The following PLCB1 variants were observed in gnomAD, a reference collection of about 807,000 sequenced individuals.
The protein encoded by PLCB1 is phospholipase C beta 1, also known as 1-phosphatidylinositol 4,5-bisphosphate phosphodiesterase beta-1.
Under a neutral mutation model 161.8 loss-of-function variants are expected in PLCB1, and 46 were observed. The ratio of observed to expected loss-of-function variants is 0.28; its 90% confidence interval spans 0.22 to 0.36. PLCB1 has a LOEUF of 0.36. Among genes scored for constraint, PLCB1 ranks in the 10% least tolerant of loss-of-function variants. The pLI is 1.00. For missense variants in PLCB1, 1,016 were observed against 1,472.5 expected, an observed-to-expected ratio of 0.69 and a Z score of 5.07; for synonymous variants, 517 against 503.7, an observed-to-expected ratio of 1.03 and a Z score of -0.35.
At chr20:8,644,469 C>T (rs1260629777) in intron 4 of PLCB1, among the ~76,000 whole-genome samples, 7 of 146,964 alleles carry the variant, frequency 4.8e-5, no homozygotes, top group African/African-American at 5.1e-5. Flanking sequence ...ATGTGAGGAG[C>T]GCCTCTGCCC....
intron 9 of PLCB1, among the ~76,000 whole-genome samples, chr20:8,661,067 T>C (rs182168236): frequency 1.3e-5 from 2 of 152,296 alleles, no homozygotes; most frequent in East Asian, 3.9e-4. Flanking sequence ...TGTAATGTGA[T>C]AAATAAGTGT....
At chr20:8,172,360 T>C (rs2051741726) in intron 2 of PLCB1, among the ~76,000 whole-genome samples, 1 of 152,024 alleles carries the variant, frequency 6.6e-6, no homozygotes, top group Non-Finnish European at 1.5e-5. Context: ...AGCCATGTGG[T>C]TGGTTATCTG....
chr20:8,382,356 C>T (rs565756300), intron 3 of PLCB1, among the ~76,000 whole-genome samples: 129 of 146,114 alleles, frequency 8.8e-4, no homozygotes, highest in African/African-American at 3.1e-3. Flanking sequence ...GATCTCGGCT[C>T]TCTGCAAGCT....
At chr20:8,436,957 T>A (rs957496437) in intron 3 of PLCB1, among the ~76,000 whole-genome samples, 1 of 152,034 alleles carries the variant, frequency 6.6e-6, no homozygotes, top group African/African-American at 2.4e-5. Context: ...ACCCAGCTAA[T>A]TTTTGTATTT....
chr20:8,780,131 C>G (rs1983140221), intron 27 of PLCB1, among the ~76,000 whole-genome samples: 1 of 152,114 alleles, frequency 6.6e-6, no homozygotes. Flanking sequence ...CTGGTTAAAC[C>G]TGTGTTTCGT....
chr20:8,547,623 T>C (rs766592590), intron 3 of PLCB1, among the ~76,000 whole-genome samples: 1 of 152,190 alleles, frequency 6.6e-6, no homozygotes, highest in Non-Finnish European at 1.5e-5. Flanking sequence ...CCATCCATTT[T>C]TCTCTTTCTC....
chr20:8,352,335 T>C (rs564987437), intron 2 of PLCB1, among the ~76,000 whole-genome samples: 2 of 152,124 alleles, frequency 1.3e-5, no homozygotes. Context: ...GTAGAGGAGA[T>C]TGAAAAGGTG....
chr20:8,672,196 G>A (rs77418839), intron 9 of PLCB1, among the ~76,000 whole-genome samples: 3,220 of 152,160 alleles, frequency 0.021, 53 homozygotes, highest in Non-Finnish European at 0.033. Flanking sequence ...CAAACCTTGA[G>A]CAAGCTACTT....
chr20:8,471,742 T>C (rs6055843), intron 3 of PLCB1, among the ~76,000 whole-genome samples: 2,972 of 152,242 alleles, frequency 0.02, 108 homozygotes, highest in African/African-American at 0.066. Context: ...ATTTAATACA[T>C]GCTGCTCCTC....
intron 19 of PLCB1, among the ~76,000 whole-genome samples, chr20:8,734,996 A>G (rs992813676): frequency 1.3e-5 from 2 of 152,222 alleles, no homozygotes; most frequent in African/African-American, 4.8e-5. Context: ...TCTCATAATT[A>G]TATCTTTTGA....
rs375428234 is a variant in PLCB1, at chr20:8,686,799, C to T, written c.1009+1721C>T. Reference sequence around the variant, plus strand: ...AGTGTTCTGGCACATAGAGATCTTCCAGACTCACCTTATTCCTTTCTGCTC... The same window carrying T: ...AGTGTTCTGGCACATAGAGATCTTCTAGACTCACCTTATTCCTTTCTGCTC... On this transcript the variant is annotated intron_variant, in intron 10 of 31. Coordinates refer to ENST00000338037, the MANE Select transcript of PLCB1 (RefSeq NM_015192.4). Among the ~76,000 whole-genome samples, 47 of 152,232 alleles carry T rather than the reference C, an allele frequency of 3.1e-4. 1 individual carries two copies. In the East Asian group the frequency reaches 7.4e-3, roughly 24 times the overall value.
chr20:8,807,090 A>G (rs1020605292), intron 31 of PLCB1, among the ~76,000 whole-genome samples: 7 of 152,198 alleles, frequency 4.6e-5, no homozygotes, highest in African/African-American at 1.7e-4. Context: ...GTCTACCAGC[A>G]GAGGGTTGCG....
In PLCB1 at chr20:8,523,398, A is replaced by ATGTGTG. The variant is rs34787623; in HGVS notation, c.247-104870_247-104865dup. On this transcript the variant is annotated intron_variant, in intron 3 of 31. Coordinates refer to ENST00000338037, the MANE Select transcript of PLCB1 (RefSeq NM_015192.4). Reference sequence around the variant, plus strand: ...GCAAATGATCCTGATCATAACAAATATGTGTGTGTGTGTGTGTGTGTGTGT... The same window carrying ATGTGTG: ...GCAAATGATCCTGATCATAACAAATATGTGTGTGTGTGTGTGTGTGTGTGTGTGTGT... Among the ~76,000 whole-genome samples, 105 of 122,578 alleles carry ATGTGTG rather than the reference A, an allele frequency of 8.6e-4. 1 individual carries two copies. The highest frequency in any genetic ancestry group is 2.8e-3 in the African/African-American group (84 of 30,268). The allele number at this position is 122,578 out of a possible 152,430, so 80.4% of individuals were successfully genotyped here. A position where few individuals can be genotyped will look rare whatever the true frequency, so the allele number is the denominator to read the frequency against.
chr20:8,722,425 G>A lies in PLCB1; in HGVS notation c.1581+4G>A, dbSNP rs761829659. 5.6e-6 allele frequency: 9 copies of A among 1,604,920 alleles called. No homozygotes were observed. The Admixed American group carries it at 1.5e-4, about 27-fold the overall frequency. On this transcript the variant is annotated splice_donor_region_variant and intron_variant, in intron 15 of 31. Transcript: ENST00000338037. ...TAAAAAATCTTCAATGGATGAGGTG[G>A]GTACTTAGGGCTTCTGGTCCCTAAG...
intron 12 of PLCB1, among the ~76,000 whole-genome samples, chr20:8,713,140 C>T (rs1029786040): frequency 6.6e-6 from 1 of 152,108 alleles, no homozygotes; most frequent in African/African-American, 2.4e-5. Flanking sequence ...AGGACACCTA[C>T]CTCTTGTTCT....
chr20:8,617,903 T>C lies in PLCB1; in HGVS notation c.247-10391T>C, dbSNP rs539691615. On this transcript the variant is annotated intron_variant, in intron 3 of 31. Coordinates refer to ENST00000338037, the MANE Select transcript of PLCB1 (RefSeq NM_015192.4). ...TTTTTTAAGTACCTAAGATAGTGTT[T>C]GGTATAAATTAACCATATAGAAAAT... Among the ~76,000 whole-genome samples, 43 of 152,318 alleles carry C rather than the reference T, an allele frequency of 2.8e-4. No homozygotes were observed. The Middle Eastern group carries it at 0.02, about 72-fold the overall frequency.
intron 3 of PLCB1, among the ~76,000 whole-genome samples, chr20:8,460,031 G>C (rs114725462): frequency 6.3e-4 from 96 of 152,242 alleles, no homozygotes; most frequent in African/African-American, 2.2e-3. Flanking sequence ...AACCAGTTTG[G>C]GTGGATGGAA....
intron 2 of PLCB1, among the ~76,000 whole-genome samples, chr20:8,284,574 C>CA (rs1011345412): frequency 1.3e-5 from 2 of 152,062 alleles, no homozygotes; most frequent in African/African-American, 4.8e-5. Flanking sequence ...TCTGTCTCTG[C>CA]AAAAAGAAAA....
chr20:8,560,052 A>G (rs1314859171), intron 3 of PLCB1, among the ~76,000 whole-genome samples: 1 of 152,022 alleles, frequency 6.6e-6, no homozygotes, highest in African/African-American at 2.4e-5. Context: ...TTTATAGTCC[A>G]AGTCAGTAGC....
Sources: gnomAD v4.1 joint callset for allele counts (sites outside exome capture counted in the v4.1 genomes callset) on GRCh38, gnomAD v4.1.1 for gene constraint, MANE v1.5 for transcripts, NCBI Gene and HGNC (gene_info 2026-07-23, HGNC 2026-07-21) for gene names.